The following DAB1 variants were observed in gnomAD, a reference collection of about 807,000 sequenced individuals.
The protein encoded by DAB1 is DAB adaptor protein 1.
DAB1 carries 15 observed loss-of-function variants against 64.6 expected under a neutral mutation model. The ratio of observed to expected loss-of-function variants is 0.23; its 90% confidence interval spans 0.16 to 0.36. DAB1 has a LOEUF of 0.36. Among genes scored for constraint, DAB1 ranks in the 10% least tolerant of loss-of-function variants. The probability of loss-of-function intolerance (pLI) is 1.00; values close to 1 mark genes in which losing one functional copy is unlikely to be tolerated. For synonymous variants in DAB1, 235 were observed against 251.9 expected, an observed-to-expected ratio of 0.93 and a Z score of 0.64; for missense variants, 596 against 706.7, an observed-to-expected ratio of 0.84 and a Z score of 1.78.
chr1:57,487,373 G>C (rs1463336413), intron 7 of DAB1, among the ~76,000 whole-genome samples: 1 of 152,182 alleles, frequency 6.6e-6, no homozygotes, highest in African/African-American at 2.4e-5. Context: ...CCCGCTGGCT[G>C]TGAGAACAAC....
intron 4 of DAB1, among the ~76,000 whole-genome samples, chr1:58,189,854 G>A (rs546092218): frequency 1.3e-5 from 2 of 152,344 alleles, no homozygotes; most frequent in South Asian, 4.1e-4. Flanking sequence ...CTGAGGCACA[G>A]GGGTCCCATG....
At chr1:57,638,686 C>A (rs1027357005) in intron 7 of DAB1, among the ~76,000 whole-genome samples, 8 of 152,094 alleles carry the variant, frequency 5.3e-5, no homozygotes, top group African/African-American at 1.9e-4. Context: ...CAGAAGACAC[C>A]AAAGCAGTGA....
intron 7 of DAB1, among the ~76,000 whole-genome samples, chr1:57,485,653 C>G (rs190469712): frequency 6.6e-6 from 1 of 152,190 alleles, no homozygotes; most frequent in African/African-American, 2.4e-5. Flanking sequence ...ACATGTGTGA[C>G]TTTAAGCACC....
At chr1:57,106,261 C>CG (rs1018712521) in intron 4 of DAB1, among the ~76,000 whole-genome samples, 2 of 151,074 alleles carry the variant, frequency 1.3e-5, no homozygotes, top group African/African-American at 4.9e-5. Flanking sequence ...CCTAACACCC[C>CG]CCCCCATCAG....
chr1:57,024,441 C>T (rs765714060), intron 10 of DAB1, among the ~76,000 whole-genome samples: 5 of 152,096 alleles, frequency 3.3e-5, no homozygotes, highest in Admixed American at 6.6e-5. Context: ...TAAATCTGTT[C>T]GATGCTGTAA....
intron 7 of DAB1, among the ~76,000 whole-genome samples, chr1:57,562,680 C>A (rs577815777): frequency 1.3e-5 from 2 of 152,316 alleles, no homozygotes; most frequent in East Asian, 1.9e-4. Context: ...ACCATCACCC[C>A]TAGTGATCCA....
intron 5 of DAB1, among the ~76,000 whole-genome samples, chr1:57,972,988 C>T (rs1364581204): frequency 1.3e-5 from 2 of 152,164 alleles, no homozygotes; most frequent in African/African-American, 2.4e-5. Flanking sequence ...GTCCTGATCG[C>T]TGGAGCCTAT....
chr1:58,496,479 A>T (rs1479268685), intron 3 of DAB1, among the ~76,000 whole-genome samples: 1 of 152,082 alleles, frequency 6.6e-6, no homozygotes, highest in East Asian at 1.9e-4. Flanking sequence ...TAACATTTTT[A>T]AGTTTGACTT....
chr1:58,130,612 T>A (rs1285573498), intron 5 of DAB1, among the ~76,000 whole-genome samples: 1 of 152,262 alleles, frequency 6.6e-6, no homozygotes, highest in Non-Finnish European at 1.5e-5. Flanking sequence ...TTCCTTTCCA[T>A]ATTTAGTCCT....
intron 3 of DAB1, among the ~76,000 whole-genome samples, chr1:58,377,584 C>A (rs1408863000): frequency 1.5e-5 from 2 of 137,038 alleles, no homozygotes; most frequent in Non-Finnish European, 3.2e-5. Flanking sequence ...TGAGGGTAAC[C>A]CGACCTTTCT....
chr1:57,879,237 G>A (rs1644103808), intron 1 of DAB1, among the ~76,000 whole-genome samples: 1 of 152,008 alleles, frequency 6.6e-6, no homozygotes, highest in African/African-American at 2.4e-5. Context: ...ACTGAATTCT[G>A]GCCAATGGAA....
At chr1:57,559,835 T>A (rs192149536) in intron 7 of DAB1, among the ~76,000 whole-genome samples, 82 of 152,138 alleles carry the variant, frequency 5.4e-4, no homozygotes, top group African/African-American at 1.8e-3. Flanking sequence ...AAATAGTAAA[T>A]CAAAAATAAT....
chr1:58,120,777 AC>A (rs1448738732), intron 5 of DAB1, among the ~76,000 whole-genome samples: 1 of 152,176 alleles, frequency 6.6e-6, no homozygotes, highest in East Asian at 1.9e-4. Flanking sequence ...CGTAGCCCTC[AC>A]CTGCGGCCAC....
chr1:58,092,048 A>G (rs1650696421), intron 5 of DAB1, among the ~76,000 whole-genome samples: 1 of 152,048 alleles, frequency 6.6e-6, no homozygotes, highest in Admixed American at 6.6e-5. Flanking sequence ...TAAAAATTCA[A>G]TGCCATCACC....
intron 4 of DAB1, among the ~76,000 whole-genome samples, chr1:57,111,393 C>A (rs1655641676): frequency 6.6e-6 from 1 of 152,166 alleles, no homozygotes; most frequent in African/African-American, 2.4e-5. Flanking sequence ...ATGACACAGT[C>A]CAGACAACAC....
chr1:58,095,573 C>T (rs748765915), intron 5 of DAB1, among the ~76,000 whole-genome samples: 4 of 152,150 alleles, frequency 2.6e-5, no homozygotes, highest in East Asian at 1.9e-4. Context: ...GGAGTTACAT[C>T]GGTCTGTTCT....
chr1:58,472,330 T>G (rs1645368444), intron 3 of DAB1, among the ~76,000 whole-genome samples: 1 of 152,254 alleles, frequency 6.6e-6, no homozygotes, highest in Non-Finnish European at 1.5e-5. Flanking sequence ...TCATCTGTCT[T>G]CACTATTTCA....
intron 4 of DAB1, among the ~76,000 whole-genome samples, chr1:58,151,313 T>C (rs1372965111): frequency 6.6e-6 from 1 of 152,196 alleles, no homozygotes; most frequent in Non-Finnish European, 1.5e-5. Flanking sequence ...CCACCAACAG[T>C]GTAAAAGTGT....
intron 5 of DAB1, among the ~76,000 whole-genome samples, chr1:58,077,587 GAA>G (rs1295499595): frequency 6.6e-6 from 1 of 152,222 alleles, no homozygotes; most frequent in Non-Finnish European, 1.5e-5. Context: ...GTCTGGAGAA[GAA>G]AAATATGGAG....
Sources: gnomAD v4.1 joint callset for allele counts (sites outside exome capture counted in the v4.1 genomes callset) on GRCh38, gnomAD v4.1.1 for gene constraint, MANE v1.5 for transcripts, NCBI Gene and HGNC (gene_info 2026-07-23, HGNC 2026-07-21) for gene names.